The following GALNT17 variants were observed in gnomAD, a reference collection of about 807,000 sequenced individuals.
GALNT17 encodes the protein polypeptide N-acetylgalactosaminyltransferase 17.
Under a neutral mutation model 63.7 loss-of-function variants are expected in GALNT17, and 29 were observed. The observed-to-expected ratio is 0.46, with a 90% confidence interval of 0.34 to 0.62. The LOEUF is 0.62. GALNT17 is among the 20% of genes least tolerant of loss of function. The pLI is 0.01. For missense variants in GALNT17, 603 were observed against 799.6 expected (o/e 0.75, Z 2.97); for synonymous variants, 305 against 318.3 (o/e 0.96, Z 0.45).
At chr7:71,701,856 CACATATATATATACAT>C (rs1461301758) in intron 9 of GALNT17, among the ~76,000 whole-genome samples, 231 of 13,862 alleles carry the variant, frequency 0.017, 4 homozygotes, top group Middle Eastern at 0.056. Flanking sequence ...TATATATATA[CACATATATATATACAT>C]ATATATATGT....
intron 6 of GALNT17, among the ~76,000 whole-genome samples, chr7:71,654,768 G>A (rs918714202): frequency 1.3e-5 from 2 of 152,080 alleles, no homozygotes; most frequent in Non-Finnish European, 2.9e-5. Context: ...CACCGGGAGG[G>A]TTTTATTTTA....
chr7:71,609,196 A>C (rs1043844573), intron 6 of GALNT17, among the ~76,000 whole-genome samples: 1 of 151,928 alleles, frequency 6.6e-6, no homozygotes, highest in Admixed American at 6.6e-5. Context: ...CCTTTTATCT[A>C]TTTCCCCGGC....
intron 3 of GALNT17, among the ~76,000 whole-genome samples, chr7:71,390,330 T>C (rs1315187176): frequency 6.6e-6 from 1 of 152,146 alleles, no homozygotes; most frequent in Non-Finnish European, 1.5e-5. Flanking sequence ...CTGATATCCC[T>C]GGCCCCTTCT....
intron 1 of GALNT17, among the ~76,000 whole-genome samples, chr7:71,159,032 A>G (rs58392053): frequency 0.021 from 3,196 of 151,824 alleles, 187 homozygotes; most frequent in African/African-American, 0.07. Flanking sequence ...TTATTATAAT[A>G]TTGATCTCAT....
chr7:71,542,762 T>G (rs1321366043), intron 5 of GALNT17, among the ~76,000 whole-genome samples: 1 of 150,264 alleles, frequency 6.7e-6, no homozygotes, highest in Non-Finnish European at 1.5e-5. Context: ...GTGGTTGGAG[T>G]GGGATACAGG....
intron 2 of GALNT17, among the ~76,000 whole-genome samples, chr7:71,364,456 G>T (rs1379909838): frequency 2.6e-5 from 4 of 152,176 alleles, no homozygotes; most frequent in Non-Finnish European, 5.9e-5. Context: ...TGAGGTCGTT[G>T]TATGGGGTGG....
At chr7:71,586,532 G>A (rs1175943142) in intron 6 of GALNT17, among the ~76,000 whole-genome samples, 1 of 152,138 alleles carries the variant, frequency 6.6e-6, no homozygotes, top group African/African-American at 2.4e-5. Flanking sequence ...AGATACCTAG[G>A]ATTTGAATAG....
chr7:71,621,553 A>AGATG (rs71089967), intron 6 of GALNT17, among the ~76,000 whole-genome samples: 9,246 of 142,886 alleles, frequency 0.065, 867 homozygotes, highest in African/African-American at 0.14. Context: ...ATTGATGGAT[A>AGATG]GATGGATGGA....
chr7:71,625,657 C>T (rs1240490695), intron 6 of GALNT17, among the ~76,000 whole-genome samples: 1 of 152,110 alleles, frequency 6.6e-6, no homozygotes, highest in Non-Finnish European at 1.5e-5. Flanking sequence ...TGTGTGATTG[C>T]AAGCAGGTAC....
rs763584449 is a variant in GALNT17, at chr7:71,132,903, G to C, written c.101G>C (p.Arg34Pro). ...FLAKCRPIAVRSGDAFHEIRP... is the reference protein window; with the variant it reads ...FLAKCRPIAVPSGDAFHEIRP... The stretch of plus-strand genomic sequence containing the variant: ...GCCAAGTGCCGGCCCATCGCGGTGC[G>C]CAGCGGAGACGCCTTCCACGAGATC... The change falls in exon 1 of 11, where the codon CGC becomes CCC. Residue 34 changes from arginine (R) to proline (P), a missense_variant. Physicochemically the swap from Arg to Pro is moderately radical, Grantham distance 103 (BLOSUM62 -2). Around this residue, in one of 3 missense-constraint regions of GALNT17, gnomAD observed 195 missense variants for 215.0 expected, o/e 0.91. Coordinates refer to ENST00000333538, the MANE Select transcript of GALNT17 (RefSeq NM_022479.3). 5.6e-6 allele frequency: 9 copies of C among 1,612,614 alleles called. No individual in the cohort carries two copies. Among genetic ancestry groups the C allele is most frequent in the Non-Finnish European group, 7.6e-6 (9 of 1,179,568 alleles).
intron 1 of GALNT17, among the ~76,000 whole-genome samples, chr7:71,189,753 G>A (rs1361424677): frequency 6.6e-6 from 1 of 152,006 alleles, no homozygotes; most frequent in Non-Finnish European, 1.5e-5. Context: ...AATATCTTGG[G>A]CCTGTCCTGC....
intron 1 of GALNT17, among the ~76,000 whole-genome samples, chr7:71,214,804 C>T (rs1022033102): frequency 6.6e-6 from 1 of 152,160 alleles, no homozygotes; most frequent in Non-Finnish European, 1.5e-5. Context: ...TCTTGAACTC[C>T]TGACCTCAGG....
At chr7:71,396,448 G>A (rs951757145) in intron 3 of GALNT17, among the ~76,000 whole-genome samples, 51 of 151,992 alleles carry the variant, frequency 3.4e-4, no homozygotes, top group Admixed American at 1.0e-3. Context: ...AGTTATTTTG[G>A]GACTCTCAAT....
chr7:71,442,113 T>A (rs1029356890), intron 5 of GALNT17, among the ~76,000 whole-genome samples: 17 of 152,312 alleles, frequency 1.1e-4, no homozygotes, highest in Middle Eastern at 3.4e-3. Context: ...AATGTAAAAG[T>A]GTTCCTATTT....
At chr7:71,307,277 C>T (rs1042300866) in intron 1 of GALNT17, among the ~76,000 whole-genome samples, 4 of 152,172 alleles carry the variant, frequency 2.6e-5, no homozygotes, top group Non-Finnish European at 4.4e-5. Flanking sequence ...GTACCACTTT[C>T]TCCACATCCT....
chr7:71,546,088 T>C (rs1376074707), intron 5 of GALNT17, among the ~76,000 whole-genome samples: 2 of 151,618 alleles, frequency 1.3e-5, no homozygotes, highest in Non-Finnish European at 2.9e-5. Flanking sequence ...AGCAAGACCC[T>C]GTCTCAACAA....
intron 1 of GALNT17, among the ~76,000 whole-genome samples, chr7:71,319,276 A>G (rs931686199): frequency 6.6e-6 from 1 of 151,774 alleles, no homozygotes; most frequent in African/African-American, 2.4e-5. Flanking sequence ...TCTTGAATCT[A>G]CCCAGGTTTT....
intron 6 of GALNT17, among the ~76,000 whole-genome samples, chr7:71,659,953 C>T (rs1279328882): frequency 1.3e-5 from 2 of 152,184 alleles, no homozygotes; most frequent in Non-Finnish European, 1.5e-5. Flanking sequence ...GTGTTACACG[C>T]TAGATTTTTA....
intron 5 of GALNT17, among the ~76,000 whole-genome samples, chr7:71,486,973 GC>G (rs1787922334): frequency 6.6e-6 from 1 of 152,126 alleles, no homozygotes; most frequent in South Asian, 2.1e-4. Context: ...GCAGGGTGCT[GC>G]CCTGCCTGGG....
Sources: allele counts gnomAD v4.1 joint callset (sites outside exome capture counted in the v4.1 genomes callset), GRCh38; gene constraint gnomAD v4.1.1; regional missense constraint gnomAD v4.1.1; transcripts MANE v1.5; gene names NCBI Gene and HGNC (gene_info 2026-07-23, HGNC 2026-07-21).